The following PDE4D variants were observed in gnomAD, a reference collection of about 807,000 sequenced individuals.
PDE4D encodes 3',5'-cyclic-AMP phosphodiesterase 4D.
In PDE4D, 24 loss-of-function variants were observed where a neutral mutation model predicts 87.4. The observed-to-expected ratio is 0.27, with a 90% CI of 0.20 to 0.39. The LOEUF (loss-of-function observed/expected upper bound fraction) is 0.39. Among genes scored for constraint, PDE4D ranks in the 10% least tolerant of loss-of-function variants. PDE4D has a pLI of 1.00. For synonymous variants in PDE4D, 384 were observed against 383.2 expected, an observed-to-expected ratio of 1.00 and a Z score of -0.02; for missense variants, 714 against 1,041.0, an observed-to-expected ratio of 0.69 and a Z score of 4.32.
chr5:60,250,627 T>C (rs141494202), intron 1 of PDE4D, among the ~76,000 whole-genome samples: 45 of 152,088 alleles, frequency 3.0e-4, no homozygotes, highest in Non-Finnish European at 5.6e-4. Context: ...ACTTATATGT[T>C]TGTAGCAATG....
chr5:60,292,777 C>T (rs1484249945), intron 1 of PDE4D, among the ~76,000 whole-genome samples: 1 of 152,152 alleles, frequency 6.6e-6, no homozygotes, highest in Non-Finnish European at 1.5e-5. Flanking sequence ...CTGGTACTGT[C>T]AACGAATTGA....
chr5:59,031,385 ATATATAT>A (rs1561347877), intron 6 of PDE4D, among the ~76,000 whole-genome samples: 4,438 of 74,890 alleles, frequency 0.059, 86 homozygotes, highest in Non-Finnish European at 0.068. Flanking sequence ...ATATATATAT[ATATATAT>A]TATATATATA....
At chr5:60,087,557 T>A (rs191092191) in intron 2 of PDE4D, among the ~76,000 whole-genome samples, 5 of 151,834 alleles carry the variant, frequency 3.3e-5, no homozygotes, top group African/African-American at 1.2e-4. Context: ...TAAAAACAAT[T>A]TTAAGAGAGC....
chr5:58,999,406 T>C (rs953348186), intron 6 of PDE4D: 3 of 618,098 alleles, frequency 4.9e-6, no homozygotes, highest in African/African-American at 3.8e-5. Context: ...ACTGATAGTT[T>C]GAACAAATTA....
chr5:60,333,510 G>C (rs1757480822), intron 1 of PDE4D, among the ~76,000 whole-genome samples: 1 of 152,134 alleles, frequency 6.6e-6, no homozygotes, highest in African/African-American at 2.4e-5. Context: ...CTAACATAAG[G>C]ACGATGAACA....
intron 5 of PDE4D, among the ~76,000 whole-genome samples, chr5:59,127,600 T>TCCCCCCCCCCCCCCCCCCCCCCCCCCCCC (rs1170462233): frequency 1.0e-5 from 1 of 97,002 alleles, no homozygotes; most frequent in African/African-American, 4.0e-5. Flanking sequence ...CTTCTTTCCC[T>TCCCCCCCCCCCCCCCCCCCCCCCCCCCCC]CCCCACCCCC....
chr5:60,499,966 T>A (rs933156507), intron 1 of PDE4D, among the ~76,000 whole-genome samples: 1 of 152,242 alleles, frequency 6.6e-6, no homozygotes, highest in Non-Finnish European at 1.5e-5. Context: ...TCAATTTTGA[T>A]TAGCAAATTT....
At chr5:59,075,075 A>AAC (rs70973189) in intron 5 of PDE4D, among the ~76,000 whole-genome samples, 8,874 of 129,726 alleles carry the variant, frequency 0.068, 338 homozygotes, top group Middle Eastern at 0.11. Flanking sequence ...AAGCTTACAA[A>AAC]ACACACACAC....
intron 1 of PDE4D, among the ~76,000 whole-genome samples, chr5:59,756,341 C>T (rs2150751784): frequency 6.6e-6 from 1 of 152,082 alleles, no homozygotes; most frequent in South Asian, 2.1e-4. Context: ...GATACATTTA[C>T]ACAGATTTTT....
At chr5:59,823,068 T>C (rs896620174) in intron 1 of PDE4D, among the ~76,000 whole-genome samples, 6 of 152,196 alleles carry the variant, frequency 3.9e-5, no homozygotes, top group Admixed American at 3.3e-4. Context: ...TCTCTAGCTA[T>C]AGAGCTGCAG....
chr5:60,487,283 C>T (rs1169369010), intron 1 of PDE4D, among the ~76,000 whole-genome samples: 1 of 152,182 alleles, frequency 6.6e-6, no homozygotes, highest in Admixed American at 6.5e-5. Context: ...ATGGTTGTGT[C>T]TGTATGTGTT....
chr5:59,185,165 A>AG (rs762875432), intron 4 of PDE4D, 24 bp downstream of exon 4: 13 of 1,582,308 alleles, frequency 8.2e-6, no homozygotes, highest in African/African-American at 4.1e-5. Context: ...AGCAAAAAAG[A>AG]GGGGGGAAAA....
At chr5:60,314,546 T>G (rs1755363149) in intron 1 of PDE4D, among the ~76,000 whole-genome samples, 2 of 152,150 alleles carry the variant, frequency 1.3e-5, no homozygotes, top group Admixed American at 1.3e-4. Context: ...GCAGGTTGGT[T>G]ACATGTGTAT....
At chr5:60,252,826 C>T (rs945248201) in intron 1 of PDE4D, among the ~76,000 whole-genome samples, 6 of 151,708 alleles carry the variant, frequency 4.0e-5, no homozygotes, top group Admixed American at 4.0e-4. Context: ...GTGCCTATAC[C>T]ACACATAGGC....
At chr5:59,757,299 C>T (rs764925771) in intron 1 of PDE4D, among the ~76,000 whole-genome samples, 2 of 152,116 alleles carry the variant, frequency 1.3e-5, no homozygotes, top group Non-Finnish European at 2.9e-5. Context: ...AGTCAGACCA[C>T]CAACTCAAAT....
chr5:59,361,000 T>C (rs1384670824), intron 1 of PDE4D, among the ~76,000 whole-genome samples: 1 of 152,198 alleles, frequency 6.6e-6, no homozygotes, highest in Non-Finnish European at 1.5e-5. Flanking sequence ...AAAATCAATA[T>C]GACTATGATT....
At chr5:59,497,441 C>A (rs1371494166) in intron 1 of PDE4D, among the ~76,000 whole-genome samples, 1 of 151,722 alleles carries the variant, frequency 6.6e-6, no homozygotes, top group African/African-American at 2.4e-5. Flanking sequence ...ACAAAGAAGC[C>A]AGAAAAATGA....
At chr5:59,630,926 T>C (rs1291210122) in intron 1 of PDE4D, among the ~76,000 whole-genome samples, 1 of 152,146 alleles carries the variant, frequency 6.6e-6, no homozygotes, top group East Asian at 1.9e-4. Context: ...TCGGTTTTTT[T>C]TCCCTAGAAA....
intron 1 of PDE4D, among the ~76,000 whole-genome samples, chr5:59,696,375 T>C (rs960560144): frequency 2.0e-5 from 3 of 152,150 alleles, no homozygotes; most frequent in Non-Finnish European, 2.9e-5. Context: ...GATACATCAA[T>C]GACTACACAT....
Sources: allele counts gnomAD v4.1 joint callset (sites outside exome capture counted in the v4.1 genomes callset), GRCh38; gene constraint gnomAD v4.1.1; transcripts MANE v1.5; gene names NCBI Gene and HGNC (gene_info 2026-07-23, HGNC 2026-07-21).